Variants in TDRD3 observed in about 807,000 individuals in gnomAD.
The protein encoded by TDRD3 is tudor domain-containing protein 3.
In TDRD3, 45 loss-of-function variants were observed where a neutral mutation model predicts 86.7. The observed-to-expected ratio is 0.52, with a 90% CI of 0.41 to 0.67. The LOEUF (loss-of-function observed/expected upper bound fraction) is 0.67. Ranked by LOEUF, TDRD3 falls within the 30% of genes least tolerant of loss-of-function variation. The pLI is 0.00. For synonymous variants in TDRD3, 298 were observed against 301.7 expected, an observed-to-expected ratio of 0.99 and a Z score of 0.13; for missense variants, 814 against 889.0, an observed-to-expected ratio of 0.92 and a Z score of 1.07.
chr13:60,541,329 G>A (rs1957805078), intron 12 of TDRD3, among the ~76,000 whole-genome samples: 1 of 151,788 alleles, frequency 6.6e-6, no homozygotes, highest in South Asian at 2.1e-4. Context: ...CACTATCCAG[G>A]CTAATTTTTG....
At chr13:60,539,228 T>G (rs1007507539) in intron 12 of TDRD3, among the ~76,000 whole-genome samples, 1 of 152,076 alleles carries the variant, frequency 6.6e-6, no homozygotes, top group Non-Finnish European at 1.5e-5. Context: ...CTCTTAGTTG[T>G]CGGGCACTGT....
At chr13:60,406,154 G>A (rs900733695) in intron 1 of TDRD3, among the ~76,000 whole-genome samples, 1 of 152,148 alleles carries the variant, frequency 6.6e-6, no homozygotes, top group Non-Finnish European at 1.5e-5. Flanking sequence ...TACCAATCTT[G>A]CACTCAGAAG....
chr13:60,476,078 A>G (rs1182115434), intron 5 of TDRD3, among the ~76,000 whole-genome samples: 2 of 152,084 alleles, frequency 1.3e-5, no homozygotes, highest in African/African-American at 4.8e-5. Context: ...TTTTTGTTAC[A>G]GTTGCTCTTG....
At chr13:60,442,339 A>G (rs1344727914) in intron 2 of TDRD3, among the ~76,000 whole-genome samples, 1 of 151,880 alleles carries the variant, frequency 6.6e-6, no homozygotes, top group Non-Finnish European at 1.5e-5. Flanking sequence ...AGTAGATATT[A>G]TCTTGCATTT....
intron 10 of TDRD3, among the ~76,000 whole-genome samples, chr13:60,519,864 T>C (rs1957254018): frequency 6.6e-6 from 1 of 152,198 alleles, no homozygotes; most frequent in Admixed American, 6.5e-5. Flanking sequence ...GAAATTTTTT[T>C]CTTTTTTGTA....
intron 3 of TDRD3, among the ~76,000 whole-genome samples, chr13:60,454,253 T>C (rs1374866093): frequency 6.6e-6 from 1 of 152,166 alleles, no homozygotes; most frequent in African/African-American, 2.4e-5. Flanking sequence ...TTGGTAAATG[T>C]CACATGTATG....
At chr13:60,558,633 A>C (rs1260896377) in intron 12 of TDRD3, among the ~76,000 whole-genome samples, 2 of 152,200 alleles carry the variant, frequency 1.3e-5, no homozygotes, top group Admixed American at 6.5e-5. Flanking sequence ...GAAGTTAATC[A>C]TGTTAATTTA....
chr13:60,553,786 G>C lies in TDRD3; in HGVS notation c.2119-13739G>C, dbSNP rs563125951. On this transcript the variant is annotated intron_variant, in intron 12 of 13. Coordinates refer to ENST00000377881, the MANE Select transcript of TDRD3 (RefSeq NM_001146070.2). ...CCCATGATCCAATCACCTCCCACCA[G>C]GTCCCTCCATTGACATGTGGGGAAT... Among the ~76,000 whole-genome samples the C allele has an allele frequency of 3.0e-4, 45 of 152,138 alleles. 1 individual carries two copies. In the South Asian group the frequency reaches 9.3e-3, roughly 32 times the overall value.
At chr13:60,439,107 C>T (rs1316018888) in intron 1 of TDRD3, among the ~76,000 whole-genome samples, 5 of 151,088 alleles carry the variant, frequency 3.3e-5, no homozygotes, top group Non-Finnish European at 7.4e-5. Flanking sequence ...TAAGACAATG[C>T]GTAAAAAAAA....
intron 1 of TDRD3, among the ~76,000 whole-genome samples, chr13:60,404,371 C>T (rs1220624841): frequency 1.4e-5 from 2 of 143,258 alleles, no homozygotes; most frequent in African/African-American, 2.6e-5. Flanking sequence ...AGTGCAGTGG[C>T]GGGATCTCGG....
intron 3 of TDRD3, among the ~76,000 whole-genome samples, chr13:60,455,687 G>C (rs7999859): frequency 6.6e-6 from 1 of 152,090 alleles, no homozygotes; most frequent in Non-Finnish European, 1.5e-5. Flanking sequence ...TGGGTGTATG[G>C]TTTGTTTCTA....
intron 12 of TDRD3, among the ~76,000 whole-genome samples, chr13:60,540,382 T>G (rs1957783908): frequency 6.6e-6 from 1 of 152,176 alleles, no homozygotes; most frequent in Admixed American, 6.5e-5. Flanking sequence ...GGAGCTTTAT[T>G]TATTTCTTCC....
At chr13:60,487,579 C>T (rs1486046259) in intron 7 of TDRD3, among the ~76,000 whole-genome samples, 1 of 152,166 alleles carries the variant, frequency 6.6e-6, no homozygotes. Context: ...TTTTTGAAAT[C>T]TGCTGGGAGT....
At chr13:60,396,030 T>A, upstream of TDRD3, among the ~76,000 whole-genome samples, 1 of 152,134 alleles carries the variant, frequency 6.6e-6, no homozygotes. Context: ...GAAAAATCTG[T>A]ATTAAGGAAT....
At chr13:60,455,836 G>A (rs9538708) in intron 3 of TDRD3, among the ~76,000 whole-genome samples, 20,777 of 152,036 alleles carry the variant, frequency 0.14, 1,495 homozygotes, top group East Asian at 0.2. Context: ...AGAAGGCCAA[G>A]GTGGGTGGAT....
intron 4 of TDRD3, among the ~76,000 whole-genome samples, chr13:60,462,625 T>C (rs1566210486): frequency 2.6e-5 from 4 of 152,196 alleles, no homozygotes; most frequent in Admixed American, 1.3e-4. Flanking sequence ...CTGCGGTGCT[T>C]GTTTCTACTT....
chr13:60,442,337 T>G (rs1186706250), intron 2 of TDRD3, among the ~76,000 whole-genome samples: 1 of 152,022 alleles, frequency 6.6e-6, no homozygotes, highest in Non-Finnish European at 1.5e-5. Flanking sequence ...CAAGTAGATA[T>G]TATCTTGCAT....
rs4054854 is a variant in TDRD3, at chr13:60,445,905, A to ATAG, written c.192+1163_192+1165dup. Among the ~76,000 whole-genome samples, 54 of 152,322 alleles carry ATAG rather than the reference A, an allele frequency of 3.5e-4. 1 individual carries two copies. The South Asian group carries it at 0.011, about 30-fold the overall frequency. ...CTCACCTCTGCTACAAGCTCATAGA[A>ATAG]TAGTAGTACAGAGATTCTTGTCTGC... On this transcript the variant is annotated intron_variant, in intron 3 of 13. Transcript: ENST00000377881.
intron 3 of TDRD3, among the ~76,000 whole-genome samples, chr13:60,459,523 C>A (rs771930120): frequency 2.6e-5 from 4 of 152,334 alleles, no homozygotes; most frequent in Non-Finnish European, 4.4e-5. Context: ...TCAATTACAA[C>A]TCATACTTCT....
Sources: allele counts gnomAD v4.1 joint callset (sites outside exome capture counted in the v4.1 genomes callset), GRCh38; gene constraint gnomAD v4.1.1; transcripts MANE v1.5; gene names NCBI Gene and HGNC (gene_info 2026-07-23, HGNC 2026-07-21).